Variants in FRMD4B observed in about 807,000 individuals in gnomAD.
FRMD4B encodes the protein FERM domain-containing protein 4B.
Under a neutral mutation model 141.5 loss-of-function variants are expected in FRMD4B, and 74 were observed. The observed-to-expected ratio is 0.52, with a 90% CI of 0.43 to 0.63. FRMD4B has a LOEUF of 0.63. Among genes scored for constraint, FRMD4B ranks in the 30% least tolerant of loss-of-function variants. The pLI is 0.00. For missense variants in FRMD4B, 1,366 were observed against 1,253.4 expected (o/e 1.09, Z -1.36); for synonymous variants, 506 against 467.9 (o/e 1.08, Z -1.05).
At chr3:69,347,740 C>T (rs950739549) in intron 1 of FRMD4B, among the ~76,000 whole-genome samples, 17 of 152,232 alleles carry the variant, frequency 1.1e-4, no homozygotes, top group African/African-American at 2.9e-4. Context: ...CTACTGGGTA[C>T]ATAATGAAAT....
chr3:69,197,041 G>A lies in FRMD4B; in HGVS notation c.954-3C>T. On this transcript the variant is annotated splice_region_variant and splice_polypyrimidine_tract_variant and intron_variant, in intron 12 of 22. Transcript: ENST00000398540. ...AGGTTCTTCTTGAAACTGAAATCCT[G>A]AAAGATTAAAGAAAGCACTCAAATA... The A allele has an allele frequency of 6.2e-7, 1 of 1,609,512 alleles. No individual in the cohort carries two copies.
rs10699871 is a variant in FRMD4B, at chr3:69,293,880, C to CAAAAAAAAAAA, written c.417-6055_417-6045dup. 1.7e-3 allele frequency among the ~76,000 whole-genome samples: 123 copies of CAAAAAAAAAAA among 74,450 alleles called. 4 individuals are homozygous for CAAAAAAAAAAA. Among genetic ancestry groups the CAAAAAAAAAAA allele is most frequent in the African/African-American group, 7.0e-3 (117 of 16,774 alleles). The allele number at this position is 74,450 out of a possible 152,430, so 48.8% of individuals were successfully genotyped here. A position where few individuals can be genotyped will look rare whatever the true frequency, so the allele number is the denominator to read the frequency against. ...TGGGTGACAGAGCTAGATTCTGCCT[C>CAAAAAAAAAAA]AAAAAAAAAAAAAAAAAAAAAAAAA... On this transcript the variant is annotated intron_variant, in intron 4 of 22. Transcript: ENST00000398540.
At chr3:69,265,448 CTT>C (rs560029423) in intron 5 of FRMD4B, among the ~76,000 whole-genome samples, 3 of 93,594 alleles carry the variant, frequency 3.2e-5, no homozygotes, top group African/African-American at 8.4e-5. Context: ...TTTATTTGTC[CTT>C]TTTTTTTTTT....
Position 69,219,198 on chromosome 3 carries a change from A to T in FRMD4B, c.732-819T>A, listed in dbSNP as rs546345552. ...AAAAAGTCCCCCCAAAATAAAAATT[A>T]AAGCAACGATGCCACTACTTGCTAT... On this transcript the variant is annotated intron_variant, in intron 9 of 22. Transcript: ENST00000398540. 4.1e-4 allele frequency among the ~76,000 whole-genome samples: 62 copies of T among 151,258 alleles called. 1 individual carries two copies. In the South Asian group the frequency reaches 8.1e-3, roughly 20 times the overall value.
At chr3:69,428,723 T>TTAAGTG (rs1414942625) in intron 2 of FRMD4B, among the ~76,000 whole-genome samples, 1 of 152,140 alleles carries the variant, frequency 6.6e-6, no homozygotes, top group Non-Finnish European at 1.5e-5. Context: ...TAAACCATTT[T>TTAAGTG]TAAGTGTACA....
intron 2 of FRMD4B, among the ~76,000 whole-genome samples, chr3:69,422,002 T>C (rs1704990014): frequency 6.6e-6 from 1 of 152,268 alleles, no homozygotes; most frequent in African/African-American, 2.4e-5. Context: ...TTAAATTGGT[T>C]TCTGCAGATC....
At chr3:69,515,758 C>G (rs958157115) in intron 1 of FRMD4B, among the ~76,000 whole-genome samples, 1 of 152,098 alleles carries the variant, frequency 6.6e-6, no homozygotes, top group Non-Finnish European at 1.5e-5. Context: ...AAGGAAGACA[C>G]AAGAAACTGA....
intron 3 of FRMD4B, among the ~76,000 whole-genome samples, chr3:69,307,455 C>T (rs1355571751): frequency 6.6e-6 from 1 of 152,062 alleles, no homozygotes; most frequent in African/African-American, 2.4e-5. Context: ...ATCCTCATGC[C>T]TCAGGTGCCT....
At chr3:69,406,603 C>G (rs1413112838) in intron 2 of FRMD4B, among the ~76,000 whole-genome samples, 5 of 152,232 alleles carry the variant, frequency 3.3e-5, no homozygotes. Flanking sequence ...TTGCTATCAT[C>G]TCCTCCTCAA....
chr3:69,306,367 G>C (rs561456488), intron 3 of FRMD4B: 5 of 152,218 alleles, frequency 3.3e-5, no homozygotes, highest in Admixed American at 6.5e-5. Flanking sequence ...AGTCCCATTG[G>C]AAGGGACAGT....
intron 8 of FRMD4B, among the ~76,000 whole-genome samples, 172 bp downstream of exon 8, chr3:69,224,435 C>A (rs1341572620): frequency 6.6e-6 from 1 of 152,166 alleles, no homozygotes; most frequent in East Asian, 1.9e-4. Flanking sequence ...CTCCAGTAAG[C>A]TTTGAGTAGA....
At chr3:69,322,045 G>A (rs940915634) in intron 1 of FRMD4B, among the ~76,000 whole-genome samples, 5 of 152,114 alleles carry the variant, frequency 3.3e-5, no homozygotes, top group South Asian at 2.1e-4. Flanking sequence ...AATCCAAAGC[G>A]AGGATTTTCC....
chr3:69,261,586 T>C (rs1207032574), intron 5 of FRMD4B, among the ~76,000 whole-genome samples: 1 of 152,250 alleles, frequency 6.6e-6, no homozygotes, highest in Non-Finnish European at 1.5e-5. Flanking sequence ...ACAGACTTTA[T>C]ATCTTACTGC....
chr3:69,520,068 A>AAT (rs374712667), intron 1 of FRMD4B, among the ~76,000 whole-genome samples: 5 of 98,616 alleles, frequency 5.1e-5, no homozygotes, highest in East Asian at 5.8e-4. Flanking sequence ...TATATGATGG[A>AAT]ATATATATAT....
chr3:69,245,993 A>G (rs1451001692), intron 7 of FRMD4B, among the ~76,000 whole-genome samples: 1 of 151,636 alleles, frequency 6.6e-6, no homozygotes, highest in African/African-American at 2.4e-5. Flanking sequence ...ATGTGCCACC[A>G]TGCCCAGCTA....
chr3:69,215,022 C>A (rs141076622), intron 11 of FRMD4B, among the ~76,000 whole-genome samples: 1 of 150,308 alleles, frequency 6.7e-6, no homozygotes, highest in Admixed American at 6.6e-5. Context: ...TGGGACTATA[C>A]GCGCATGCCG....
intron 2 of FRMD4B, among the ~76,000 whole-genome samples, chr3:69,429,217 A>T (rs1315701875): frequency 1.3e-5 from 2 of 152,228 alleles, no homozygotes; most frequent in African/African-American, 4.8e-5. Context: ...TAAAGTGAAC[A>T]CACTTGTGCA....
chr3:69,385,614 A>G (rs906138500), intron 1 of FRMD4B, among the ~76,000 whole-genome samples: 1 of 152,178 alleles, frequency 6.6e-6, no homozygotes, highest in African/African-American at 2.4e-5. Context: ...CGCTGGGACT[A>G]TCTCGCAAGT....
At chr3:69,377,176 T>C (rs969306267) in intron 1 of FRMD4B, 2 of 152,218 alleles carry the variant, frequency 1.3e-5, no homozygotes, top group African/African-American at 4.8e-5. Context: ...AGCATCTTAG[T>C]TCCCTGCCAT....
Sources: allele counts gnomAD v4.1 joint callset (sites outside exome capture counted in the v4.1 genomes callset), GRCh38; gene constraint gnomAD v4.1.1; transcripts MANE v1.5; gene names NCBI Gene and HGNC (gene_info 2026-07-23, HGNC 2026-07-21).